Variants in ZNF160 observed in about 807,000 individuals in gnomAD.
ZNF160 encodes KRAB zinc finger protein KR18.
In ZNF160, 9 loss-of-function variants were observed where a neutral mutation model predicts 13.1. The ratio of observed to expected loss-of-function variants is 0.69; its 90% CI spans 0.41 to 1.20. The LOEUF is 1.20. Among genes scored for constraint, ZNF160 ranks in the 50% most tolerant of loss-of-function variants. The pLI, the probability that ZNF160 is intolerant of heterozygous loss-of-function variation, is 0.01. For missense variants in ZNF160, 838 were observed against 988.0 expected (o/e 0.85, Z 2.04); for synonymous variants, 293 against 333.2 (o/e 0.88, Z 1.31).
intron 2 of ZNF160, among the ~76,000 whole-genome samples, chr19:53,088,500 C>G (rs1282813002): frequency 1.3e-5 from 2 of 151,226 alleles, no homozygotes; most frequent in African/African-American, 4.9e-5. Flanking sequence ...CAGCAAGATC[C>G]TGTCTCTATA....
chr19:53,067,707 T>G lies in ZNF160; in HGVS notation c.*370A>C, dbSNP rs2084010277. Reference sequence around the variant, plus strand: ...TCGTATGTGAGTTAAAAATATATAATTTTTAGCATATTTGGACTTGTGAGT... The same window carrying G: ...TCGTATGTGAGTTAAAAATATATAAGTTTTAGCATATTTGGACTTGTGAGT... On this transcript the variant is annotated 3_prime_UTR_variant, in exon 6 of 6. Transcript: ENST00000683776. 2 of 172,650 alleles carry G rather than the reference T, an allele frequency of 1.2e-5. No homozygotes were observed. The highest frequency in any genetic ancestry group is 4.7e-5 in the African/African-American group (2 of 42,210). The allele number at this position is 172,650 out of a possible 1,614,324, so 10.7% of individuals were successfully genotyped here.
chr19:53,099,665 C>T (rs1012441280), intron 1 of ZNF160, among the ~76,000 whole-genome samples: 32 of 152,116 alleles, frequency 2.1e-4, no homozygotes, highest in African/African-American at 7.5e-4. Flanking sequence ...AGGACTGAGT[C>T]CCATTTAAAT....
intron 3 of ZNF160, 107 bp downstream of exon 3, chr19:53,086,155 G>C (rs1406237704): frequency 7.2e-7 from 1 of 1,380,566 alleles, no homozygotes; most frequent in African/African-American, 1.4e-5. Flanking sequence ...GTGAGTGCTA[G>C]CAAACATGTC....
In ZNF160 at chr19:53,067,892, G is replaced by T. The variant is rs2084014552; in HGVS notation, c.*185C>A. 2 of 705,454 alleles carry T rather than the reference G, an allele frequency of 2.8e-6. No individual in the cohort carries two copies. Among genetic ancestry groups the T allele is most frequent in the Middle Eastern group, 4.2e-4 (1 of 2,362 alleles). The allele number at this position is 705,454 out of a possible 1,614,324, so 43.7% of individuals were successfully genotyped here. A position where few individuals can be genotyped will look rare whatever the true frequency, so the allele number is the denominator to read the frequency against. ...TATAAATCTTGATGCCTAGTAACCT[G>T]CGAGGCCTGGATAGACCCTCTGCCA... On this transcript the variant is annotated 3_prime_UTR_variant, in exon 6 of 6. Transcript: ENST00000683776.
chr19:53,077,292 GT>G (rs1967982693), intron 3 of ZNF160: 1 of 152,234 alleles, frequency 6.6e-6, no homozygotes, highest in African/African-American at 2.4e-5. Context: ...CAGGATGACT[GT>G]AGCATGTCTT....
At chr19:53,088,782 A>G (rs1163219153) in intron 2 of ZNF160, among the ~76,000 whole-genome samples, 1 of 152,154 alleles carries the variant, frequency 6.6e-6, no homozygotes, top group East Asian at 1.9e-4. Context: ...CATTGTCCCC[A>G]CAATGACAGC....
rs750614980 is a variant in ZNF160, at chr19:53,069,783, T to C, written c.751A>G (p.Asn251Asp). Residue 251 changes from asparagine (N) to aspartate (D), a missense_variant, in exon 6 of 6, where the codon AAC (asparagine) becomes GAC (aspartate). Physicochemically the swap from Asn to Asp is conservative, Grantham distance 23 (BLOSUM62 1). Transcript: ENST00000683776. The surrounding 1 kb of genome is among the most constrained non-coding windows in gnomAD (Gnocchi z 4.4). Reference sequence around the variant, plus strand: ...CATTTATAAGGTTTTCCACAACTGTTTGCTTTTCGTCTTTGTGTGAGTAAT... The same window carrying C: ...CATTTATAAGGTTTTCCACAACTGTCTGCTTTTCGTCTTTGTGTGAGTAAT... ...FSLLTQRRKA[N>D]SCGKPYKCNE... The C allele has an allele frequency of 1.2e-6, 2 of 1,614,218 alleles. No individual in the cohort carries two copies. Among genetic ancestry groups the C allele is most frequent in the Middle Eastern group, 3.3e-4 (2 of 6,062 alleles).
intron 3 of ZNF160, among the ~76,000 whole-genome samples, chr19:53,078,241 G>GA (rs796290966): frequency 1.0e-4 from 15 of 146,146 alleles, no homozygotes; most frequent in South Asian, 2.2e-4. Context: ...CACCTCAGGG[G>GA]AAAAAAAAAA....
Position 53,068,809 on chromosome 19 carries a change from A to G in ZNF160, c.1725T>C (p.Ala575=). ...YKCNECGKVF[A]QTSQLARHWR... ...AATGCCTTGCAAGTTGTGATGTTTGAGCGAAGACTTTACCACATTCATTAC... is the reference window on the plus strand; with the variant it reads ...AATGCCTTGCAAGTTGTGATGTTTGGGCGAAGACTTTACCACATTCATTAC... The change falls in exon 6 of 6, where the codon GCT becomes GCC. Residue 575 remains alanine, a synonymous_variant. Transcript: ENST00000683776. The G allele has an allele frequency of 2.5e-6, 4 of 1,612,770 alleles. No homozygotes were observed. Among genetic ancestry groups the G allele is most frequent in the Non-Finnish European group, 3.4e-6 (4 of 1,178,894 alleles).
intron 1 of ZNF160, chr19:53,093,441 A>G: frequency 2.9e-5 from 1 of 34,128 alleles, no homozygotes; most frequent in Non-Finnish European, 6.4e-5. Context: ...TCCATCTAAA[A>G]AAACAAAAAA....
intron 1 of ZNF160, among the ~76,000 whole-genome samples, chr19:53,094,628 C>A (rs886880344): frequency 6.6e-6 from 1 of 152,106 alleles, no homozygotes; most frequent in Admixed American, 6.5e-5. Flanking sequence ...AAAACCTTAG[C>A]CTTCAATTAA....
intron 3 of ZNF160, chr19:53,085,778 C>T (rs940443387): frequency 6.4e-5 from 28 of 435,708 alleles, no homozygotes; most frequent in Middle Eastern, 6.3e-4. Flanking sequence ...CCAGTCTTTA[C>T]GAGTTTGGAG....
chr19:53,091,048 G>A (rs1465968372), intron 2 of ZNF160: 1 of 152,152 alleles, frequency 6.6e-6, no homozygotes, highest in Non-Finnish European at 1.5e-5. Flanking sequence ...GGATACTAAG[G>A]TCTATAGGGT....
At chr19:53,102,060 T>TC (rs1365781485) in intron 1 of ZNF160, among the ~76,000 whole-genome samples, 1 of 152,020 alleles carries the variant, frequency 6.6e-6, no homozygotes, top group Non-Finnish European at 1.5e-5. Flanking sequence ...CCTTTTATCT[T>TC]CCCCCTAGGA....
At chr19:53,081,684 G>C (rs2084638985) in intron 3 of ZNF160, among the ~76,000 whole-genome samples, 1 of 152,140 alleles carries the variant, frequency 6.6e-6, no homozygotes, top group Non-Finnish European at 1.5e-5. Context: ...ATGCAAATTT[G>C]TTCAGACCTT....
intron 3 of ZNF160, among the ~76,000 whole-genome samples, chr19:53,080,041 C>T (rs1180049866): frequency 2.0e-5 from 3 of 151,918 alleles, no homozygotes; most frequent in African/African-American, 7.3e-5. Context: ...TAAAAGACTC[C>T]TAGACCTGAT....
chr19:53,083,008 A>G (rs2062970568), intron 3 of ZNF160, among the ~76,000 whole-genome samples: 1 of 152,230 alleles, frequency 6.6e-6, no homozygotes, highest in Non-Finnish European at 1.5e-5. Context: ...TATAAAGGAT[A>G]TTACAATGAA....
chr19:53,068,297 G>A lies in ZNF160; in HGVS notation c.2237C>T (p.Ala746Val), dbSNP rs761280549. The A allele has an allele frequency of 8.1e-6, 13 of 1,613,976 alleles. No individual in the cohort carries two copies. Among genetic ancestry groups the A allele is most frequent in the Non-Finnish European group, 1.1e-5 (13 of 1,179,990 alleles). Residue 746 changes from alanine (A) to valine (V), a missense_variant, in exon 6 of 6, where the codon GCT becomes GTT. Transcript: ENST00000683776. ...AATTCTTCGGTGATTTGCCAGGTGA[G>A]CATTTTGAGTAAAGACCTTGCCACA... ...NECGKVFTQNAHLANHRRIHT... is the reference protein window; with the variant it reads ...NECGKVFTQNVHLANHRRIHT...
intron 1 of ZNF160, chr19:53,095,561 G>C (rs1172175680): frequency 6.6e-6 from 1 of 152,142 alleles, no homozygotes; most frequent in East Asian, 1.9e-4. Flanking sequence ...TTGGAGACTG[G>C]ATTGCTCTTT....
Sources: allele counts gnomAD v4.1 joint callset (sites outside exome capture counted in the v4.1 genomes callset), GRCh38; gene constraint gnomAD v4.1.1; non-coding constraint Gnocchi (gnomAD v3.1); transcripts MANE v1.5; gene names NCBI Gene and HGNC (gene_info 2026-07-23, HGNC 2026-07-21).